Variants in ZNRF2 observed in about 807,000 individuals in gnomAD.
The protein encoded by ZNRF2 is E3 ubiquitin-protein ligase ZNRF2.
ZNRF2 carries 16 observed loss-of-function variants against 20.4 expected under a neutral mutation model. That is an observed-to-expected ratio of 0.79 (90% CI 0.53 to 1.19). The LOEUF (loss-of-function observed/expected upper bound fraction) is 1.19, where lower values mean the gene tolerates loss of function less well. Ranked by LOEUF, ZNRF2 falls within the 50% of genes most tolerant of loss-of-function variation. ZNRF2 has a pLI of 0.00. For synonymous variants in ZNRF2, 178 were observed against 144.9 expected (o/e 1.23, Z -1.64); for missense variants, 363 against 332.4 (o/e 1.09, Z -0.72).
chr7:30,315,730 G>GGC (rs971997324), intron 1 of ZNRF2, among the ~76,000 whole-genome samples: 2 of 103,760 alleles, frequency 1.9e-5, no homozygotes, highest in Non-Finnish European at 4.0e-5. Context: ...GGTGGGGCGG[G>GGC]GGGGGGGGGG....
At chr7:30,302,003 G>A (rs954708176) in intron 1 of ZNRF2, among the ~76,000 whole-genome samples, 2 of 152,142 alleles carry the variant, frequency 1.3e-5, no homozygotes, top group Non-Finnish European at 2.9e-5. Flanking sequence ...GGCAGTTTTC[G>A]GAATCAGAAA....
intron 1 of ZNRF2, among the ~76,000 whole-genome samples, chr7:30,294,124 T>G (rs1274547945): frequency 6.6e-6 from 1 of 152,182 alleles, no homozygotes; most frequent in African/African-American, 2.4e-5. Context: ...CACATTTTGC[T>G]ATTTTTGTTG....
intron 2 of ZNRF2, among the ~76,000 whole-genome samples, chr7:30,353,133 T>A (rs1799984020): frequency 6.6e-6 from 1 of 152,092 alleles, no homozygotes; most frequent in Admixed American, 6.6e-5. Context: ...AATGTGAAAA[T>A]TAAGCATTTG....
chr7:30,309,027 T>C (rs1377157815), intron 1 of ZNRF2, among the ~76,000 whole-genome samples: 1 of 152,202 alleles, frequency 6.6e-6, no homozygotes, highest in Admixed American at 6.6e-5. Context: ...GTCCTAAATA[T>C]GATGTCTTCA....
At chr7:30,326,115 C>T (rs540280756) in intron 2 of ZNRF2, among the ~76,000 whole-genome samples, 1 of 151,966 alleles carries the variant, frequency 6.6e-6, no homozygotes, top group South Asian at 2.1e-4. Context: ...ATACAGTCTT[C>T]TTGTGTATTG....
chr7:30,348,657 G>A (rs1048207342), intron 2 of ZNRF2, among the ~76,000 whole-genome samples: 3 of 152,130 alleles, frequency 2.0e-5, no homozygotes, highest in African/African-American at 4.8e-5. Flanking sequence ...ACTCGTAAAA[G>A]CAGCTGCCCC....
At chr7:30,339,018 AC>A in intron 2 of ZNRF2, among the ~76,000 whole-genome samples, 1 of 152,350 alleles carries the variant, frequency 6.6e-6, no homozygotes, top group East Asian at 1.9e-4. Context: ...TTCTCTTATG[AC>A]CAGTGATGAT....
Position 30,285,725 on chromosome 7 carries a change from A to ACGG in ZNRF2, c.379_381dup (p.Gly127dup), listed in dbSNP as rs559049773. ...GACTCGGTGCACAGCAGCCCTGAGG[A>ACGG]CGGCGGCGGCGGCCGGGACCGGCCG... On this transcript the variant is annotated inframe_insertion, in exon 1 of 5. Coordinates refer to ENST00000323037, the MANE Select transcript of ZNRF2 (RefSeq NM_147128.4). The ACGG allele has an allele frequency of 0.033, 48,120 of 1,471,986 alleles. 963 individuals carry two copies. The highest frequency in any genetic ancestry group is 0.037 in the Non-Finnish European group (41,420 of 1,119,118). 91.2% of individuals were successfully genotyped at this position (1,471,986 alleles called of 1,614,324 possible).
At chr7:30,356,612 A>T (rs1175171328) in intron 3 of ZNRF2, among the ~76,000 whole-genome samples, 1 of 152,092 alleles carries the variant, frequency 6.6e-6, no homozygotes, top group Non-Finnish European at 1.5e-5. Flanking sequence ...ACAAAGCTAA[A>T]CTAGTATTAG....
intron 2 of ZNRF2, among the ~76,000 whole-genome samples, chr7:30,342,316 A>G (rs1255459600): frequency 1.3e-5 from 2 of 152,062 alleles, no homozygotes; most frequent in African/African-American, 4.8e-5. Flanking sequence ...CAATTTCTTC[A>G]TAGTGTTGAT....
rs534463572 is a variant in ZNRF2, at chr7:30,297,001, C to G, written c.469+11175C>G. Among the ~76,000 whole-genome samples, 81 of 152,276 alleles carry G rather than the reference C, an allele frequency of 5.3e-4. 1 individual carries two copies. Among genetic ancestry groups the G allele is most frequent in the South Asian group, 1.4e-3 (7 of 4,830 alleles). On this transcript the variant is annotated intron_variant, in intron 1 of 4. Coordinates refer to ENST00000323037, the MANE Select transcript of ZNRF2 (RefSeq NM_147128.4). ...TGTAGTATTTTAAGTGTGAGTTATT[C>G]TGTATTTTAGTTGTGAAGTGTACAG...
chr7:30,321,507 CAT>C lies in ZNRF2; in HGVS notation c.470-2134_470-2133del, dbSNP rs111911401. On this transcript the variant is annotated intron_variant, in intron 1 of 4. Coordinates refer to ENST00000323037, the MANE Select transcript of ZNRF2 (RefSeq NM_147128.4). Reference sequence around the variant, plus strand: ...GGTTTTGGAGGGGAGGAGAGAGAAACATGTGTTTAATTCACTGTATTTAACTA... The same window carrying C: ...GGTTTTGGAGGGGAGGAGAGAGAAACGTGTTTAATTCACTGTATTTAACTA... Among the ~76,000 whole-genome samples the C allele has an allele frequency of 3.8e-3, 582 of 151,922 alleles. 3 individuals are homozygous for C. The highest frequency in any genetic ancestry group is 0.013 in the African/African-American group (536 of 41,424).
intron 2 of ZNRF2, among the ~76,000 whole-genome samples, chr7:30,346,351 G>A (rs997100046): frequency 1.3e-5 from 2 of 151,432 alleles, no homozygotes; most frequent in Non-Finnish European, 2.9e-5. Context: ...CTGCCACCAC[G>A]CCTGGCTAAT....
intron 1 of ZNRF2, among the ~76,000 whole-genome samples, chr7:30,295,038 AGAGAGAGAGAGAGTGTGTGTGTGT>A (rs1337556982): frequency 8.9e-6 from 1 of 112,870 alleles, no homozygotes; most frequent in African/African-American, 4.2e-5. Context: ...AGAGAGAGAG[AGAGAGAGAGAGAGTGTGTGTGTGT>A]GTGTGTGTGT....
intron 2 of ZNRF2, among the ~76,000 whole-genome samples, chr7:30,330,519 C>G (rs1162350431): frequency 6.6e-6 from 1 of 152,098 alleles, no homozygotes; most frequent in African/African-American, 2.4e-5. Context: ...CACCTTGATT[C>G]CAGTTTGCAT....
intron 1 of ZNRF2, among the ~76,000 whole-genome samples, chr7:30,304,881 C>T (rs1799175652): frequency 6.6e-6 from 1 of 152,118 alleles, no homozygotes; most frequent in Non-Finnish European, 1.5e-5. Flanking sequence ...GGAACTAGCT[C>T]TTCCTGGAGT....
In ZNRF2 at chr7:30,355,847, G is replaced by A. The variant is rs1800028470; in HGVS notation, c.671+14G>A. The A allele has an allele frequency of 2.5e-6, 4 of 1,584,206 alleles. No homozygotes were observed. Among genetic ancestry groups the A allele is most frequent in the African/African-American group, 1.3e-5 (1 of 74,314 alleles). On this transcript the variant is annotated intron_variant, in intron 3 of 4. Coordinates refer to ENST00000323037, the MANE Select transcript of ZNRF2 (RefSeq NM_147128.4). ...ATATCATAAAGGGTAAGTTCACCAAGTTGGTATTAGAGTAAAAGATTGTTC... is the reference window on the plus strand; with the variant it reads ...ATATCATAAAGGGTAAGTTCACCAAATTGGTATTAGAGTAAAAGATTGTTC...
chr7:30,318,481 A>G (rs1799412322), intron 1 of ZNRF2, among the ~76,000 whole-genome samples: 1 of 152,192 alleles, frequency 6.6e-6, no homozygotes, highest in South Asian at 2.1e-4. Context: ...ATCTTCTGTC[A>G]TGCCTAACAG....
At chr7:30,305,059 C>T (rs1799178476) in intron 1 of ZNRF2, among the ~76,000 whole-genome samples, 4 of 152,068 alleles carry the variant, frequency 2.6e-5, no homozygotes. Context: ...GTTATTGACA[C>T]CTGTTGTATC....
Sources: gnomAD v4.1 joint callset for allele counts (sites outside exome capture counted in the v4.1 genomes callset) on GRCh38, gnomAD v4.1.1 for gene constraint, MANE v1.5 for transcripts, NCBI Gene and HGNC (gene_info 2026-07-23, HGNC 2026-07-21) for gene names.